Variants in ANKRD46 observed in about 807,000 individuals in gnomAD.
ANKRD46 encodes the protein ankyrin repeat domain 46.
Under a neutral mutation model 19.8 loss-of-function variants are expected in ANKRD46, and 13 were observed. That is an observed-to-expected ratio of 0.66 (90% confidence interval 0.43 to 1.04). The LOEUF (loss-of-function observed/expected upper bound fraction) is 1.04, where lower values mean the gene tolerates loss of function less well. ANKRD46 is among the 50% of genes least tolerant of loss of function. ANKRD46 has a pLI of 0.00. For missense variants in ANKRD46, 185 were observed against 274.8 expected, an observed-to-expected ratio of 0.67 and a Z score of 2.31; for synonymous variants, 91 against 106.9, an observed-to-expected ratio of 0.85 and a Z score of 0.92.
intron 5 of ANKRD46, among the ~76,000 whole-genome samples, chr8:100,514,165 G>C (rs978593621): frequency 6.6e-6 from 1 of 152,068 alleles, no homozygotes; most frequent in Non-Finnish European, 1.5e-5. Flanking sequence ...AATTATTCTT[G>C]AACCTCTAAA....
chr8:100,515,092 T>G (rs946321483), intron 5 of ANKRD46, among the ~76,000 whole-genome samples: 2 of 152,170 alleles, frequency 1.3e-5, no homozygotes, highest in Non-Finnish European at 2.9e-5. Flanking sequence ...AATGTTTTTT[T>G]GTTTTTGTTT....
rs1338665474 is a variant in ANKRD46, at chr8:100,521,362, C to G, written c.*1193G>C. The G allele has an allele frequency of 6.1e-6, 6 of 985,110 alleles. No homozygotes were observed. Among genetic ancestry groups the G allele is most frequent in the African/African-American group, 1.7e-5 (1 of 57,146 alleles). 61.0% of individuals were successfully genotyped at this position (985,110 alleles called of 1,614,324 possible). A position where few individuals can be genotyped will look rare whatever the true frequency, so the allele number is the denominator to read the frequency against. On this transcript the variant is annotated 3_prime_UTR_variant, in exon 5 of 5. Transcript: ENST00000335659. ...CTTTACCCAATAAATAATTATCAAG[C>G]CTTCATATTCTTTTTTAACCACTCA...
Position 100,521,836 on chromosome 8 carries a change from G to T in ANKRD46, c.*719C>A. On this transcript the variant is annotated 3_prime_UTR_variant, in exon 5 of 5. Coordinates refer to ENST00000335659, the MANE Select transcript of ANKRD46 (RefSeq NM_001270377.2). ...TATCTTTGATGACTAGGATACTCGGGAAAATTGGAAAGTGAACAAAATGAA... is the reference window on the plus strand; with the variant it reads ...TATCTTTGATGACTAGGATACTCGGTAAAATTGGAAAGTGAACAAAATGAA... 1 of 985,168 alleles carries T rather than the reference G, an allele frequency of 1.0e-6. No individual in the cohort carries two copies. The highest frequency in any genetic ancestry group is 1.2e-6 in the Non-Finnish European group (1 of 829,744). 61.0% of individuals were successfully genotyped at this position (985,168 alleles called of 1,614,324 possible).
In ANKRD46 at chr8:100,527,724, G is replaced by T. The variant is rs1811869447; in HGVS notation, c.470+121C>A. Reference sequence around the variant, plus strand: ...TTAAAAAATCGTATTATCTTGCTGGGTGTGGCTACATGTGCCTATAGTCCC... The same window carrying T: ...TTAAAAAATCGTATTATCTTGCTGGTTGTGGCTACATGTGCCTATAGTCCC... On this transcript the variant is annotated intron_variant, in intron 4 of 4. Coordinates refer to ENST00000335659, the MANE Select transcript of ANKRD46 (RefSeq NM_001270377.2). This position sits in a 1 kb window ranked among gnomAD's most constrained non-coding sequence, Gnocchi z 4.0. 3.1e-6 allele frequency: 3 copies of T among 975,972 alleles called. No homozygotes were observed. The East Asian group carries it at 7.9e-5, about 26-fold the overall frequency. The allele number at this position is 975,972 out of a possible 1,614,324, so 60.5% of individuals were successfully genotyped here.
intron 4 of ANKRD46, among the ~76,000 whole-genome samples, chr8:100,526,998 A>G (rs1202141911): frequency 1.3e-5 from 2 of 152,076 alleles, no homozygotes; most frequent in East Asian, 1.9e-4. Context: ...TATAATGTGG[A>G]AGGCTGAAAC....
intron 2 of ANKRD46, among the ~76,000 whole-genome samples, chr8:100,530,222 T>C (rs1456396007): frequency 6.6e-6 from 1 of 152,212 alleles, no homozygotes; most frequent in Admixed American, 6.5e-5. Flanking sequence ...GAACTACCCA[T>C]ATATAAATGC....
In ANKRD46 at chr8:100,525,562, T is replaced by A. The variant is rs1811825847; in HGVS notation, c.470+2283A>T. Among the ~76,000 whole-genome samples the A allele has an allele frequency of 6.6e-6, 1 of 152,242 alleles. No homozygotes were observed. Among genetic ancestry groups the A allele is most frequent in the Admixed American group, 6.5e-5 (1 of 15,282 alleles). ...GTAGCATGTTTTCAAAATTTATCCA[T>A]GCTGTAGCATGTATCAGTATAATAT... On this transcript the variant is annotated intron_variant, in intron 4 of 4. Transcript: ENST00000335659. The surrounding 1 kb of genome is among the most constrained non-coding windows in gnomAD (Gnocchi z 4.4).
At chr8:100,518,376 C>T (rs1024211689), downstream of ANKRD46, among the ~76,000 whole-genome samples, 1 of 152,112 alleles carries the variant, frequency 6.6e-6, no homozygotes, top group African/African-American at 2.4e-5. Context: ...TTAGAAGAAA[C>T]AACGAAGTCA....
chr8:100,539,133 T>C (rs1812124070), intron 1 of ANKRD46, among the ~76,000 whole-genome samples: 1 of 152,204 alleles, frequency 6.6e-6, no homozygotes, highest in Admixed American at 6.5e-5. Flanking sequence ...ACTGCAAAAC[T>C]TCTAAGATTC....
rs777502496 is a variant in ANKRD46 at position 100,550,716 on chromosome 8, G to A, written c.-131+8995C>T. 4.1e-5 allele frequency: 14 copies of A among 345,482 alleles called. No individual in the cohort carries two copies. Among genetic ancestry groups the A allele is most frequent in the South Asian group, 1.0e-4 (4 of 39,734 alleles). The allele number at this position is 345,482 out of a possible 1,614,324, so 21.4% of individuals were successfully genotyped here. ...TGTGCTCTCACTGGGGCTGGTTGTC[G>A]AGCAGTCTTACTCCTTGGAGGCCAT... On this transcript the variant is annotated intron_variant, in intron 1 of 4. Coordinates refer to ENST00000335659, the MANE Select transcript of ANKRD46 (RefSeq NM_001270377.2). The surrounding 1 kb of genome is among the most constrained non-coding windows in gnomAD (Gnocchi z 4.4).
At chr8:100,520,250 C>A (rs1404485580), downstream of ANKRD46, among the ~76,000 whole-genome samples, 1 of 152,076 alleles carries the variant, frequency 6.6e-6, no homozygotes, top group Non-Finnish European at 1.5e-5. Flanking sequence ...GTATATAGGA[C>A]CACGAGTGGA....
Position 100,522,690 on chromosome 8 carries a change from C to G in ANKRD46, c.552G>C (p.Gln184His), listed in dbSNP as rs1811750837. Residue 184 changes from glutamine (Q) to histidine (H), a missense_variant, in exon 5 of 5, where the codon CAG (glutamine) becomes CAC (histidine). Gln to His is a conservative substitution (Grantham distance 24, BLOSUM62 0). Transcript: ENST00000335659. ...GVLSSFRTTW[Q>H]EFVEDLGFWR... ...AGAAGCCCAGATCCTCCACAAACTC[C>G]TGCCACGTGGTTCGGAAGCTGGAGA... 1 of 1,614,002 alleles carries G rather than the reference C, an allele frequency of 6.2e-7. No individual in the cohort carries two copies. Among genetic ancestry groups the G allele is most frequent in the Non-Finnish European group, 8.5e-7 (1 of 1,180,028 alleles).
At chr8:100,535,751 T>C (rs1812052988) in intron 1 of ANKRD46, among the ~76,000 whole-genome samples, 1 of 152,232 alleles carries the variant, frequency 6.6e-6, no homozygotes, top group South Asian at 2.1e-4. Context: ...GTCCCTTTTT[T>C]ATCCATAGTA....
intron 1 of ANKRD46, among the ~76,000 whole-genome samples, chr8:100,540,172 T>G (rs892376612): frequency 4.6e-5 from 7 of 151,000 alleles, no homozygotes; most frequent in Non-Finnish European, 8.9e-5. Flanking sequence ...ACATGCATAC[T>G]ATCACTATAC....
chr8:100,555,459 C>A (rs1167929499), intron 1 of ANKRD46, among the ~76,000 whole-genome samples: 2 of 146,722 alleles, frequency 1.4e-5, no homozygotes, highest in Admixed American at 6.8e-5. Context: ...GGGGAAAAAA[C>A]AGTATTAAAG....
Position 100,546,214 on chromosome 8 carries a change from C to T in ANKRD46, c.-130-12903G>A, listed in dbSNP as rs1221988052. ...TAGCCAAGAAAATGGGAAAAATTTCCCCAAGGCATGTCAGAGATCTTCATG... is the reference window on the plus strand; with the variant it reads ...TAGCCAAGAAAATGGGAAAAATTTCTCCAAGGCATGTCAGAGATCTTCATG... On this transcript the variant is annotated intron_variant, in intron 1 of 4. Transcript: ENST00000335659. This position sits in a 1 kb window ranked among gnomAD's most constrained non-coding sequence, Gnocchi z 4.0. Among the ~76,000 whole-genome samples, 2 of 152,176 alleles carry T rather than the reference C, an allele frequency of 1.3e-5. No individual in the cohort carries two copies. The highest frequency in any genetic ancestry group is 6.5e-5 in the Admixed American group (1 of 15,282).
intron 1 of ANKRD46, among the ~76,000 whole-genome samples, chr8:100,558,136 G>C (rs942969334): frequency 2.6e-4 from 39 of 152,178 alleles, no homozygotes; most frequent in African/African-American, 7.2e-4. Context: ...AATAGGTAAG[G>C]CTAAGAAGTT....
chr8:100,541,827 A>G (rs1812180963), intron 1 of ANKRD46, among the ~76,000 whole-genome samples: 1 of 152,202 alleles, frequency 6.6e-6, no homozygotes, highest in South Asian at 2.1e-4. Flanking sequence ...GAATATTCTT[A>G]CTATAACTTT....
rs931999875 is a variant in ANKRD46 at position 100,524,939 on chromosome 8, G to A, written c.471-2168C>T. 4.6e-5 allele frequency among the ~76,000 whole-genome samples: 7 copies of A among 152,012 alleles called. No homozygotes were observed. The highest frequency in any genetic ancestry group is 7.4e-5 in the Non-Finnish European group (5 of 67,988). Reference sequence around the variant, plus strand: ...TATCTACACTGTCTTTGGGGGGTGTGTTTGCATGTATCTTTTTTAAAAAAT... The same window carrying A: ...TATCTACACTGTCTTTGGGGGGTGTATTTGCATGTATCTTTTTTAAAAAAT... On this transcript the variant is annotated intron_variant, in intron 4 of 4. Coordinates refer to ENST00000335659, the MANE Select transcript of ANKRD46 (RefSeq NM_001270377.2). The surrounding 1 kb of genome is among the most constrained non-coding windows in gnomAD (Gnocchi z 4.3).
Sources: allele counts gnomAD v4.1 joint callset (sites outside exome capture counted in the v4.1 genomes callset), GRCh38; gene constraint gnomAD v4.1.1; non-coding constraint Gnocchi (gnomAD v3.1); transcripts MANE v1.5; gene names NCBI Gene and HGNC (gene_info 2026-07-23, HGNC 2026-07-21).